Variants in MCTP1 observed in about 807,000 individuals in gnomAD.
MCTP1 encodes multiple C2 and transmembrane domain containing 1.
In MCTP1, 69 loss-of-function variants were observed where a neutral mutation model predicts 120.6. The ratio of observed to expected loss-of-function variants is 0.57; its 90% CI spans 0.47 to 0.70. The LOEUF (loss-of-function observed/expected upper bound fraction) is 0.70, where lower values mean the gene tolerates loss of function less well. MCTP1 is among the 30% of genes least tolerant of loss of function. The pLI is 0.00. For missense variants in MCTP1, 1,203 were observed against 1,248.8 expected (o/e 0.96, Z 0.55); for synonymous variants, 529 against 493.1 (o/e 1.07, Z -0.96).
chr5:94,996,980 C>T (rs1391096469), intron 2 of MCTP1, among the ~76,000 whole-genome samples: 1 of 152,120 alleles, frequency 6.6e-6, no homozygotes, highest in Non-Finnish European at 1.5e-5. Context: ...GTATCCCTGG[C>T]TAACAGAGGA....
chr5:94,798,377 A>T (rs975886760), intron 18 of MCTP1, among the ~76,000 whole-genome samples: 1 of 152,148 alleles, frequency 6.6e-6, no homozygotes, highest in Non-Finnish European at 1.5e-5. Context: ...TCTTCCAGAA[A>T]GAGAAGGTTG....
chr5:94,715,282 A>T (rs1758682765), intron 19 of MCTP1, among the ~76,000 whole-genome samples: 1 of 150,300 alleles, frequency 6.7e-6, no homozygotes, highest in South Asian at 2.1e-4. Context: ...CTGCCCATAA[A>T]CCCAAATTTT....
At chr5:94,763,897 CAT>C (rs1358863919) in intron 19 of MCTP1, among the ~76,000 whole-genome samples, 16 of 152,186 alleles carry the variant, frequency 1.1e-4, no homozygotes, top group Non-Finnish European at 2.2e-4. Flanking sequence ...TTAAGACATT[CAT>C]TTACACAGAG....
intron 1 of MCTP1, among the ~76,000 whole-genome samples, chr5:95,025,015 T>A (rs982369380): frequency 5.3e-5 from 8 of 152,154 alleles, no homozygotes; most frequent in African/African-American, 1.7e-4. Context: ...ACAGATTCAA[T>A]GCAATCTCTA....
At chr5:94,890,933 G>A (rs756425462) in intron 11 of MCTP1, among the ~76,000 whole-genome samples, 34 of 152,092 alleles carry the variant, frequency 2.2e-4, no homozygotes, top group Admixed American at 4.6e-4. Flanking sequence ...ACCAGAGAAC[G>A]TAACATACTT....
intron 1 of MCTP1, among the ~76,000 whole-genome samples, chr5:95,215,621 AT>A (rs1213028449): frequency 2.7e-5 from 4 of 150,896 alleles, no homozygotes; most frequent in East Asian, 3.9e-4. Context: ...TAGCCTTGTT[AT>A]TTTTTTCTTT....
chr5:95,141,689 C>T (rs375051107), intron 1 of MCTP1, among the ~76,000 whole-genome samples: 94 of 152,252 alleles, frequency 6.2e-4, no homozygotes, highest in African/African-American at 2.0e-3. Context: ...CTCCCTACCC[C>T]ATCTTTCTCT....
At chr5:95,099,333 G>A (rs1756527639) in intron 1 of MCTP1, among the ~76,000 whole-genome samples, 1 of 151,244 alleles carries the variant, frequency 6.6e-6, no homozygotes, top group Non-Finnish European at 1.5e-5. Context: ...GAGTGAACAG[G>A]CAACCCACAA....
At position 94,731,106 on chromosome 5, in the gene MCTP1, G is replaced by A. The variant is rs532013470; in HGVS notation, c.2611-16220C>T. 1.2e-4 allele frequency among the ~76,000 whole-genome samples: 19 copies of A among 152,300 alleles called. No individual in the cohort carries two copies. The South Asian group carries it at 3.7e-3, about 30-fold the overall frequency. ...TCTTTTCTTTGAATATACATTCCAGGAAGACAAAGAACAAATTTTTTTTGG... is the reference window on the plus strand; with the variant it reads ...TCTTTTCTTTGAATATACATTCCAGAAAGACAAAGAACAAATTTTTTTTGG... On this transcript the variant is annotated intron_variant, in intron 19 of 22. Coordinates refer to ENST00000515393, the MANE Select transcript of MCTP1 (RefSeq NM_024717.7).
At chr5:95,075,789 G>A (rs1050762896) in intron 1 of MCTP1, among the ~76,000 whole-genome samples, 3 of 152,158 alleles carry the variant, frequency 2.0e-5, no homozygotes, top group Admixed American at 6.5e-5. Context: ...CTTTCTCTCA[G>A]AAGTGACTAT....
intron 9 of MCTP1, 64 bp from the exon 10 acceptor site, chr5:94,909,445 A>G (rs1189706155): frequency 2.6e-6 from 4 of 1,516,510 alleles, no homozygotes; most frequent in Non-Finnish European, 3.6e-6. Flanking sequence ...TCAACCTGAG[A>G]CACTAAATCA....
rs905526859 is a variant in MCTP1, at chr5:94,959,084, G to A, written c.839-5723C>T. Among the ~76,000 whole-genome samples, 3 of 152,070 alleles carry A rather than the reference G, an allele frequency of 2.0e-5. No homozygotes were observed. The East Asian group carries it at 5.8e-4, about 29-fold the overall frequency. On this transcript the variant is annotated intron_variant, in intron 2 of 22. Coordinates refer to ENST00000515393, the MANE Select transcript of MCTP1 (RefSeq NM_024717.7). ...AAGCTTATCCACCACAATCAAGTCG[G>A]CTTCATCCCTGGGATGCAAGGCTGG...
chr5:95,248,632 C>T (rs188550553), intron 1 of MCTP1, among the ~76,000 whole-genome samples: 3 of 152,322 alleles, frequency 2.0e-5, no homozygotes, highest in African/African-American at 7.2e-5. Context: ...CCCCAACAAG[C>T]TACCTCTGAC....
At chr5:95,263,742 T>C (rs528222185) in intron 1 of MCTP1, among the ~76,000 whole-genome samples, 9 of 152,298 alleles carry the variant, frequency 5.9e-5, no homozygotes, top group South Asian at 2.1e-4. Context: ...GGAACTTTCA[T>C]TGTACCCTCC....
At chr5:95,039,763 A>C (rs1841993008) in intron 1 of MCTP1, among the ~76,000 whole-genome samples, 1 of 152,122 alleles carries the variant, frequency 6.6e-6, no homozygotes, top group South Asian at 2.1e-4. Context: ...GAGCTAAGCA[A>C]ATACAATGCA....
chr5:95,192,290 A>G lies in MCTP1; in HGVS notation c.720+91566T>C, dbSNP rs181206563. On this transcript the variant is annotated intron_variant, in intron 1 of 22. Coordinates refer to ENST00000515393, the MANE Select transcript of MCTP1 (RefSeq NM_024717.7). ...TGAATACGGTTATACTGTACATAAT[A>G]CAGTACATTAAGAATTTGACATGTT... Among the ~76,000 whole-genome samples the G allele has an allele frequency of 4.1e-4, 63 of 152,178 alleles. 1 individual carries two copies. The highest frequency in any genetic ancestry group is 4.1e-3 in the Admixed American group (63 of 15,278).
intron 1 of MCTP1, among the ~76,000 whole-genome samples, chr5:95,270,666 A>T (rs1454078221): frequency 1.3e-5 from 2 of 152,150 alleles, no homozygotes; most frequent in Non-Finnish European, 2.9e-5. Flanking sequence ...ATATTGACTC[A>T]TGCCTGTAAT....
chr5:95,033,729 C>CAA (rs1241148041), intron 1 of MCTP1, among the ~76,000 whole-genome samples: 1 of 151,946 alleles, frequency 6.6e-6, no homozygotes, highest in Non-Finnish European at 1.5e-5. Context: ...AGCAATCAGG[C>CAA]AACAGAAAGA....
chr5:95,057,107 A>C (rs962029200), intron 1 of MCTP1, among the ~76,000 whole-genome samples: 3 of 152,146 alleles, frequency 2.0e-5, no homozygotes, highest in Non-Finnish European at 2.9e-5. Context: ...TCAGGGGAAA[A>C]ATAAGACTAG....
Sources: allele counts gnomAD v4.1 joint callset (sites outside exome capture counted in the v4.1 genomes callset), GRCh38; gene constraint gnomAD v4.1.1; transcripts MANE v1.5; gene names NCBI Gene and HGNC (gene_info 2026-07-23, HGNC 2026-07-21).